SPG11: variants seen among roughly 807,000 people sequenced by gnomAD.
The protein encoded by SPG11 is SPG11 vesicle trafficking associated, spatacsin.
A neutral mutation model predicts 274.0 loss-of-function variants in SPG11; 222 were observed. The ratio of observed to expected loss-of-function variants is 0.81; its 90% CI spans 0.73 to 0.91. The LOEUF (loss-of-function observed/expected upper bound fraction) is 0.91, where lower values mean the gene tolerates loss of function less well. Ranked by LOEUF, SPG11 falls within the 40% of genes least tolerant of loss-of-function variation. The probability of loss-of-function intolerance (pLI) is 0.00; values close to 1 mark genes in which losing one functional copy is unlikely to be tolerated. For synonymous variants in SPG11, 1,144 were observed against 1,039.7 expected (o/e 1.10, Z -1.93); for missense variants, 3,114 against 2,872.7 (o/e 1.08, Z -1.92).
At chr15:44,660,365 G>C (rs1030822188) in intron 2 of SPG11, 67 bp downstream of exon 2, 8 of 1,456,068 alleles carry the variant, frequency 5.5e-6, no homozygotes, top group African/African-American at 1.4e-5. Context: ...GACTTTTCCT[G>C]AAGTATGTAA....
chr15:44,567,735 C>T, intron 35 of SPG11, 143 bp from the exon 36 acceptor site: 1 of 873,742 alleles, frequency 1.1e-6, no homozygotes, highest in South Asian at 1.4e-5. Context: ...AAGTTTTATG[C>T]TGTCCCAAGT....
intron 7 of SPG11, among the ~76,000 whole-genome samples, chr15:44,646,297 A>G (rs972310487): frequency 6.6e-6 from 1 of 152,206 alleles, no homozygotes; most frequent in Non-Finnish European, 1.5e-5. Context: ...ACACTGCTAC[A>G]AAGATACTAC....
At chr15:44,581,871 ACT>A (rs2082664860) in intron 30 of SPG11, among the ~76,000 whole-genome samples, 1 of 152,160 alleles carries the variant, frequency 6.6e-6, no homozygotes, top group South Asian at 2.1e-4. Context: ...AAGGATGTAC[ACT>A]GTCATCTCTA....
intron 8 of SPG11, among the ~76,000 whole-genome samples, chr15:44,632,517 ATT>A (rs544008892): frequency 4.2e-5 from 6 of 142,658 alleles, no homozygotes; most frequent in Admixed American, 7.1e-5. Context: ...GTCTGGGTGA[ATT>A]TTTTTTTTTT....
In SPG11 at chr15:44,657,083, T is replaced by G; in HGVS notation, c.869+12A>C. On this transcript the variant is annotated intron_variant, in intron 4 of 39. Coordinates refer to ENST00000261866, the MANE Select transcript of SPG11 (RefSeq NM_025137.4). ...ATTTACCTCAAATTAGAAACTGCAG[T>G]CATCTACATACCTGAAATACAAATT... The G allele has an allele frequency of 6.2e-7, 1 of 1,612,056 alleles. No individual in the cohort carries two copies. The highest frequency in any genetic ancestry group is 8.5e-7 in the Non-Finnish European group (1 of 1,178,708).
chr15:44,600,323 C>A, intron 21 of SPG11, 144 bp downstream of exon 21: 1 of 824,934 alleles, frequency 1.2e-6, no homozygotes, highest in South Asian at 1.5e-5. Context: ...GCCTCACTGT[C>A]ACCCAGGCTA....
In SPG11 at chr15:44,572,800, G is replaced by T. The variant is rs755953167; in HGVS notation, c.6226C>A (p.Pro2076Thr). The part of the protein sequence containing the change: ...QGTGHKQMFN[P>T]TEESQTFLQL... ...AGAAATGTCTGGCTTTCCTCTGTTG[G>T]GTTGAACATCTGCTTATGTCCTGTA... The change falls in exon 33 of 40, where the codon CCA becomes ACA. Residue 2076 changes from proline to threonine, a missense_variant. Transcript: ENST00000261866. 1.2e-6 allele frequency: 2 copies of T among 1,613,904 alleles called. No homozygotes were observed. The highest frequency in any genetic ancestry group is 3.3e-5 in the Admixed American group (2 of 59,976).
chr15:44,596,660 CAAAAAAAAAAAAAAAAAAAA>C (rs5812279), intron 24 of SPG11, 104 bp downstream of exon 24: 6 of 271,406 alleles, frequency 2.2e-5, no homozygotes, highest in Non-Finnish European at 4.0e-5. Context: ...GTATCCTGGT[CAAAAAAAAAAAAAAAAAAAA>C]AAAAAAAAAA....
intron 30 of SPG11, among the ~76,000 whole-genome samples, chr15:44,576,925 C>G (rs2082551529): frequency 6.6e-6 from 1 of 151,844 alleles, no homozygotes; most frequent in African/African-American, 2.4e-5. Flanking sequence ...CTCCTGAGTT[C>G]AAGCGATTCT....
intron 20 of SPG11, among the ~76,000 whole-genome samples, chr15:44,603,869 T>C (rs1252767214): frequency 6.6e-6 from 1 of 152,218 alleles, no homozygotes; most frequent in African/African-American, 2.4e-5. Context: ...TTTTAATTGT[T>C]CTATTGTTTT....
chr15:44,625,894 G>A (rs1421837360), intron 11 of SPG11, among the ~76,000 whole-genome samples: 1 of 151,902 alleles, frequency 6.6e-6, no homozygotes, highest in African/African-American at 2.4e-5. Context: ...TGGTCAGGCT[G>A]GTCTCAAACT....
intron 30 of SPG11, among the ~76,000 whole-genome samples, chr15:44,581,316 C>T (rs1411805312): frequency 3.3e-5 from 5 of 152,156 alleles, no homozygotes; most frequent in Non-Finnish European, 1.5e-5. Context: ...AAGCGATCCT[C>T]GTGCCTTAGC....
At chr15:44,564,036 C>T (rs536132154) in intron 39 of SPG11, among the ~76,000 whole-genome samples, 2 of 152,196 alleles carry the variant, frequency 1.3e-5, no homozygotes, top group South Asian at 2.1e-4. Context: ...ACTCTGTTGC[C>T]AGGCTGGAGT....
chr15:44,624,430 A>T (rs1394512402), intron 11 of SPG11, among the ~76,000 whole-genome samples: 1 of 152,188 alleles, frequency 6.6e-6, no homozygotes, highest in Non-Finnish European at 1.5e-5. Flanking sequence ...AGACAAAGAA[A>T]GACAAATTCT....
chr15:44,586,054 C>T (rs190702473), intron 28 of SPG11, among the ~76,000 whole-genome samples: 391 of 144,796 alleles, frequency 2.7e-3, no homozygotes, highest in Middle Eastern at 7.2e-3. Context: ...GTGTGATCTC[C>T]GCTCGCTGCA....
At chr15:44,622,508 G>A (rs1452797822) in intron 12 of SPG11, 161 bp from the exon 13 acceptor site, 2 of 745,304 alleles carry the variant, frequency 2.7e-6, no homozygotes, top group African/African-American at 1.8e-5. Flanking sequence ...GAACATTTGA[G>A]TTAATGTATG....
At position 44,564,657 on chromosome 15, in the gene SPG11, C is replaced by G; in HGVS notation, c.7041G>C (p.Trp2347Cys). The G allele has an allele frequency of 6.2e-7, 1 of 1,614,020 alleles. No individual in the cohort carries two copies. Among genetic ancestry groups the G allele is most frequent in the Non-Finnish European group, 8.5e-7 (1 of 1,180,006 alleles). ...TCACTTGCTGGTATAAAATTTCAGC[C>G]CAATCTGGAACAAAATCGTAGGCCT... The part of the protein sequence containing the change: ...VAEAYDFVPD[W>C]AEILYQQVIL... The change falls in exon 39 of 40, where the codon TGG (tryptophan) becomes TGC (cysteine). Residue 2347 changes from tryptophan (W) to cysteine (C), a missense_variant. Transcript: ENST00000261866.
At chr15:44,565,803 G>A (rs1322065829) in intron 38 of SPG11, 51 bp downstream of exon 38, 1 of 1,609,322 alleles carries the variant, frequency 6.2e-7, no homozygotes, top group South Asian at 1.1e-5. Context: ...GAGTGGGACA[G>A]AAGGAGAGAG....
chr15:44,626,508 C>T lies in SPG11; in HGVS notation c.2068-1G>A. 6.2e-7 allele frequency: 1 copy of T among 1,613,506 alleles called. No individual in the cohort carries two copies. Among genetic ancestry groups the T allele is most frequent in the Non-Finnish European group, 8.5e-7 (1 of 1,179,800 alleles). Reference sequence around the variant, plus strand: ...TTAAAATGGCGCTGGCAATAACTTCCTAGGAAAAGAAAAACGTTTGCCTTT... The same window carrying T: ...TTAAAATGGCGCTGGCAATAACTTCTTAGGAAAAGAAAAACGTTTGCCTTT... On this transcript the variant is annotated splice_acceptor_variant, in intron 10 of 39. Transcript: ENST00000261866. LOFTEE classifies it high-confidence loss of function.
Sources: gnomAD v4.1 joint callset for allele counts (sites outside exome capture counted in the v4.1 genomes callset) on GRCh38, gnomAD v4.1.1 for gene constraint, MANE v1.5 for transcripts, NCBI Gene and HGNC (gene_info 2026-07-23, HGNC 2026-07-21) for gene names.